The following FOCAD variants were observed in gnomAD, a reference collection of about 807,000 sequenced individuals.
FOCAD encodes KIAA1797.
In FOCAD, 198 loss-of-function variants were observed where a neutral mutation model predicts 225.6. The observed-to-expected ratio is 0.88, with a 90% CI of 0.78 to 0.99. The LOEUF (loss-of-function observed/expected upper bound fraction) is 0.99. Among genes scored for constraint, FOCAD ranks in the 50% least tolerant of loss-of-function variants. The pLI is 0.00. For missense variants in FOCAD, 2,713 were observed against 2,123.6 expected, an observed-to-expected ratio of 1.28 and a Z score of -5.46; for synonymous variants, 897 against 755.0, an observed-to-expected ratio of 1.19 and a Z score of -3.08.
At chr9:20,866,305 A>C (rs1179830439) in intron 17 of FOCAD, among the ~76,000 whole-genome samples, 2 of 152,022 alleles carry the variant, frequency 1.3e-5, no homozygotes, top group Non-Finnish European at 2.9e-5. Context: ...CCAAACAAAC[A>C]AAAAGTCCAG....
intron 19 of FOCAD, 118 bp from the exon 20 acceptor site, chr9:20,881,753 C>T (rs1417858892): frequency 1.0e-6 from 1 of 965,346 alleles, no homozygotes; most frequent in East Asian, 2.4e-5. Context: ...TCTCTTTTTA[C>T]CATGTAAGGT....
At chr9:20,987,604 C>G (rs1264685929) in intron 40 of FOCAD, among the ~76,000 whole-genome samples, 1 of 151,978 alleles carries the variant, frequency 6.6e-6, no homozygotes, top group Non-Finnish European at 1.5e-5. Context: ...AAAAATGAAC[C>G]TATGATGAGA....
At chr9:20,945,146 T>C (rs1394068353) in intron 29 of FOCAD, among the ~76,000 whole-genome samples, 1 of 152,258 alleles carries the variant, frequency 6.6e-6, no homozygotes, top group East Asian at 1.9e-4. Context: ...CAGAAACTGC[T>C]GATCAAAAGG....
Position 20,758,279 on chromosome 9 carries a change from G to A in FOCAD, c.494+88G>A, listed in dbSNP as rs976559028. On this transcript the variant is annotated intron_variant, in intron 6 of 43. Transcript: ENST00000338382. ...AGCTAGGGTTTTTTTTTGTTTGTTT[G>A]TTTCTTTTTAGCTGCTTTGATCTAT... The A allele has an allele frequency of 9.1e-6, 8 of 875,068 alleles. No individual in the cohort carries two copies. The African/African-American group carries it at 1.0e-4, about 11-fold the overall frequency. 54.2% of individuals were successfully genotyped at this position (875,068 alleles called of 1,614,324 possible). A position where few individuals can be genotyped will look rare whatever the true frequency, so the allele number is the denominator to read the frequency against.
At chr9:20,845,984 GT>G (rs1291410294) in intron 15 of FOCAD, among the ~76,000 whole-genome samples, 1 of 152,116 alleles carries the variant, frequency 6.6e-6, no homozygotes, top group Admixed American at 6.6e-5. Flanking sequence ...TTATTATGAG[GT>G]TTTGTACTAG....
intron 5 of FOCAD, among the ~76,000 whole-genome samples, chr9:20,741,652 A>T (rs916183999): frequency 6.7e-6 from 1 of 148,556 alleles, no homozygotes; most frequent in African/African-American, 2.5e-5. Flanking sequence ...CTGCAGAGTA[A>T]AGCTTTCCAA....
rs1037012206 is a variant in FOCAD at position 20,970,417 on chromosome 9, A to G, written c.4133-6003A>G. ...TAGACTGAGTGATTTTAGTTGACGT[A>G]TCTTTATGTGAGTTGATTCTTTTGC... On this transcript the variant is annotated intron_variant, in intron 35 of 43. Coordinates refer to ENST00000338382, the MANE Select transcript of FOCAD (RefSeq NM_001375567.1). 7.9e-5 allele frequency among the ~76,000 whole-genome samples: 12 copies of G among 151,980 alleles called. 1 individual carries two copies. The highest frequency in any genetic ancestry group is 2.9e-4 in the African/African-American group (12 of 41,378).
intron 21 of FOCAD, among the ~76,000 whole-genome samples, chr9:20,893,209 A>G (rs911056680): frequency 5.3e-5 from 8 of 152,042 alleles, no homozygotes; most frequent in African/African-American, 1.9e-4. Flanking sequence ...GTATTTTAAA[A>G]CTAAGGTATG....
intron 11 of FOCAD, among the ~76,000 whole-genome samples, chr9:20,807,393 G>T (rs1456673446): frequency 6.6e-6 from 1 of 152,328 alleles, no homozygotes; most frequent in Non-Finnish European, 1.5e-5. Flanking sequence ...GAATAGTGCT[G>T]TTCAATAGAA....
At chr9:20,960,474 C>T (rs1564206843) in intron 35 of FOCAD, among the ~76,000 whole-genome samples, 1 of 152,128 alleles carries the variant, frequency 6.6e-6, no homozygotes, top group Non-Finnish European at 1.5e-5. Context: ...CACAAATATT[C>T]TATTTTCATC....
intron 39 of FOCAD, among the ~76,000 whole-genome samples, chr9:20,984,847 C>G (rs1308099684): frequency 6.6e-6 from 1 of 152,198 alleles, no homozygotes. Flanking sequence ...GTCTCCCAGC[C>G]TGGAATGCAG....
Position 20,944,620 on chromosome 9 carries a change from T to G in FOCAD, c.3408-7T>G. ...ATCCTAACATCTTATCTTTTTTGGC[T>G]TCCAAGCACGGGCTGTATATTGGGA... On this transcript the variant is annotated splice_region_variant and splice_polypyrimidine_tract_variant and intron_variant, in intron 28 of 43. Transcript: ENST00000338382. The G allele has an allele frequency of 6.2e-7, 1 of 1,609,082 alleles. No individual in the cohort carries two copies. Among genetic ancestry groups the G allele is most frequent in the Non-Finnish European group, 8.5e-7 (1 of 1,176,844 alleles).
intron 35 of FOCAD, among the ~76,000 whole-genome samples, chr9:20,961,299 A>G (rs1388748915): frequency 1.3e-5 from 2 of 152,066 alleles, no homozygotes; most frequent in African/African-American, 4.8e-5. Flanking sequence ...AACTTGTCCA[A>G]TAAATTGAAC....
At chr9:20,850,164 T>A (rs1827510971) in intron 15 of FOCAD, among the ~76,000 whole-genome samples, 1 of 151,752 alleles carries the variant, frequency 6.6e-6, no homozygotes, top group African/African-American at 2.4e-5. Flanking sequence ...TAATTTTAAT[T>A]TATAAAGTTA....
chr9:20,717,380 A>G (rs1181507933), intron 2 of FOCAD, among the ~76,000 whole-genome samples: 2 of 152,208 alleles, frequency 1.3e-5, no homozygotes, highest in Non-Finnish European at 2.9e-5. Flanking sequence ...TCTAAGACAT[A>G]TTCTTCATAT....
chr9:20,953,960 T>A (rs1208989474), intron 35 of FOCAD, among the ~76,000 whole-genome samples: 1 of 152,202 alleles, frequency 6.6e-6, no homozygotes, highest in African/African-American at 2.4e-5. Flanking sequence ...AGTAAAATGT[T>A]ACCTTTGGAA....
At chr9:20,799,860 A>T (rs1821591729) in intron 11 of FOCAD, among the ~76,000 whole-genome samples, 1 of 152,160 alleles carries the variant, frequency 6.6e-6, no homozygotes, top group East Asian at 1.9e-4. Context: ...TAAGGTTAAT[A>T]TTGTTATGTG....
At chr9:20,929,663 A>G in intron 27 of FOCAD, 67 bp downstream of exon 27, 12 of 1,263,218 alleles carry the variant, frequency 9.5e-6, no homozygotes, top group Non-Finnish European at 1.4e-5. Context: ...TTGCACCCAT[A>G]TGCACCTATA....
chr9:20,690,738 G>A (rs1017748134), intron 1 of FOCAD, among the ~76,000 whole-genome samples: 1 of 151,958 alleles, frequency 6.6e-6, no homozygotes, highest in Non-Finnish European at 1.5e-5. Context: ...TGTAGCGGTG[G>A]GGGTCTTACC....
Sources: gnomAD v4.1 joint callset for allele counts (sites outside exome capture counted in the v4.1 genomes callset) on GRCh38, gnomAD v4.1.1 for gene constraint, MANE v1.5 for transcripts, NCBI Gene and HGNC (gene_info 2026-07-23, HGNC 2026-07-21) for gene names.